The following XKR4 variants were observed in gnomAD, a reference collection of about 807,000 sequenced individuals.
XKR4 encodes XK-related protein 4.
XKR4 carries 12 observed loss-of-function variants against 53.9 expected under a neutral mutation model. The ratio of observed to expected loss-of-function variants is 0.22; its 90% confidence interval spans 0.14 to 0.36. The LOEUF (loss-of-function observed/expected upper bound fraction) is 0.36, where lower values mean the gene tolerates loss of function less well. Ranked by LOEUF, XKR4 falls within the 10% of genes least tolerant of loss-of-function variation. The pLI, the probability that XKR4 is intolerant of heterozygous loss-of-function variation, is 1.00. For missense variants in XKR4, 799 were observed against 859.5 expected (o/e 0.93, Z 0.88); for synonymous variants, 354 against 362.4 (o/e 0.98, Z 0.26).
chr8:55,248,914 G>T (rs998762809), intron 1 of XKR4, among the ~76,000 whole-genome samples: 2 of 151,898 alleles, frequency 1.3e-5, no homozygotes, highest in Admixed American at 1.3e-4. Context: ...CATAAAGACG[G>T]GCCTTCTGGG....
chr8:55,212,273 G>A (rs905704374), intron 1 of XKR4, among the ~76,000 whole-genome samples: 9 of 152,108 alleles, frequency 5.9e-5, no homozygotes, highest in African/African-American at 2.2e-4. Context: ...TCCTGGATCA[G>A]GAAAAAGACA....
chr8:55,402,988 A>G (rs1037259166), intron 2 of XKR4, among the ~76,000 whole-genome samples: 1 of 152,182 alleles, frequency 6.6e-6, no homozygotes, highest in Admixed American at 6.5e-5. Context: ...AAGGGCCAGG[A>G]GCAGGCTGGG....
At chr8:55,397,075 G>A (rs995309207) in intron 2 of XKR4, among the ~76,000 whole-genome samples, 1 of 152,238 alleles carries the variant, frequency 6.6e-6, no homozygotes, top group Non-Finnish European at 1.5e-5. Context: ...TTTTCTCTAC[G>A]ATTGACTGGC....
At chr8:55,408,122 A>G (rs1231429899) in intron 2 of XKR4, among the ~76,000 whole-genome samples, 1 of 152,202 alleles carries the variant, frequency 6.6e-6, no homozygotes, top group Non-Finnish European at 1.5e-5. Flanking sequence ...CCTATCACAC[A>G]GGGGAAAAGC....
intron 1 of XKR4, among the ~76,000 whole-genome samples, chr8:55,292,792 C>T (rs1312141419): frequency 6.6e-6 from 1 of 152,132 alleles, no homozygotes; most frequent in Non-Finnish European, 1.5e-5. Flanking sequence ...CCTCTCAGTA[C>T]TGTGTTAACT....
Position 55,373,551 on chromosome 8 carries a change from T to A in XKR4, c.1006+15674T>A, listed in dbSNP as rs115381140. Among the ~76,000 whole-genome samples, 1,282 of 152,292 alleles carry A rather than the reference T, an allele frequency of 8.4e-3. 26 individuals are homozygous for A. The highest frequency in any genetic ancestry group is 0.028 in the African/African-American group (1,184 of 41,552). On this transcript the variant is annotated intron_variant, in intron 2 of 2. Coordinates refer to ENST00000327381, the MANE Select transcript of XKR4 (RefSeq NM_052898.2). ...TGATGGGGCATGAACTTCCCTACAC[T>A]AGGGTTGAAAAGTGGGAGTTTCCAG...
intron 2 of XKR4, among the ~76,000 whole-genome samples, chr8:55,455,987 C>T (rs1429796545): frequency 6.6e-6 from 1 of 152,176 alleles, no homozygotes; most frequent in Non-Finnish European, 1.5e-5. Flanking sequence ...ACTTAATCAA[C>T]AACAACATCC....
At chr8:55,219,348 T>C (rs1817849972) in intron 1 of XKR4, among the ~76,000 whole-genome samples, 1 of 152,194 alleles carries the variant, frequency 6.6e-6, no homozygotes, top group African/African-American at 2.4e-5. Context: ...AGAGTAGCAA[T>C]TCATTCTTGG....
chr8:55,327,258 C>T (rs1426735708), intron 1 of XKR4, among the ~76,000 whole-genome samples: 1 of 151,826 alleles, frequency 6.6e-6, no homozygotes, highest in Non-Finnish European at 1.5e-5. Context: ...AAAGTCAGGG[C>T]ACTTTTATTG....
chr8:55,338,547 A>C (rs1803498443), intron 1 of XKR4, among the ~76,000 whole-genome samples: 2 of 152,234 alleles, frequency 1.3e-5, no homozygotes, highest in Non-Finnish European at 2.9e-5. Flanking sequence ...GCCCCATCAC[A>C]TGTTGACACC....
intron 1 of XKR4, among the ~76,000 whole-genome samples, chr8:55,294,433 C>T (rs1174958807): frequency 6.6e-6 from 1 of 152,180 alleles, no homozygotes; most frequent in Non-Finnish European, 1.5e-5. Flanking sequence ...ATCTCCTCCA[C>T]CTTACCTCAG....
At chr8:55,124,054 G>C (rs528351436) in intron 1 of XKR4, among the ~76,000 whole-genome samples, 18 of 152,218 alleles carry the variant, frequency 1.2e-4, no homozygotes, top group African/African-American at 3.4e-4. Context: ...GAGTTTTCTT[G>C]TCTTAAATGT....
chr8:55,476,022 A>G (rs947445641), intron 2 of XKR4, among the ~76,000 whole-genome samples: 4 of 152,114 alleles, frequency 2.6e-5, no homozygotes, highest in African/African-American at 9.7e-5. Context: ...CTGGGATTAC[A>G]GGTGTTAGCC....
intron 2 of XKR4, among the ~76,000 whole-genome samples, chr8:55,394,400 G>A (rs774885391): frequency 6.6e-5 from 10 of 152,096 alleles, no homozygotes; most frequent in Admixed American, 3.3e-4. Flanking sequence ...GCTCTCATAA[G>A]AGCCAAACCT....
chr8:55,513,752 A>C (rs752113219), intron 2 of XKR4, among the ~76,000 whole-genome samples: 4 of 152,226 alleles, frequency 2.6e-5, no homozygotes, highest in Admixed American at 2.6e-4. Flanking sequence ...ACCTATGCCC[A>C]TACTGTAACC....
intron 1 of XKR4, chr8:55,142,417 C>T (rs986748165): frequency 3.7e-6 from 1 of 270,460 alleles, no homozygotes; most frequent in Non-Finnish European, 7.4e-6. Context: ...CTGTGGCCCA[C>T]TTGATCCTCC....
intron 1 of XKR4, among the ~76,000 whole-genome samples, chr8:55,229,683 C>T (rs112849496): frequency 1.3e-3 from 200 of 152,190 alleles, no homozygotes; most frequent in African/African-American, 4.7e-3. Context: ...GTATTACTGT[C>T]TCCAGTCCTT....
chr8:55,264,642 T>C (rs1585975565), intron 1 of XKR4, among the ~76,000 whole-genome samples: 1 of 152,214 alleles, frequency 6.6e-6, no homozygotes, highest in South Asian at 2.1e-4. Flanking sequence ...TAAGAAATCA[T>C]GTAAAGGGAA....
intron 2 of XKR4, among the ~76,000 whole-genome samples, chr8:55,510,290 G>A (rs1258017908): frequency 6.6e-6 from 1 of 152,200 alleles, no homozygotes; most frequent in African/African-American, 2.4e-5. Flanking sequence ...GAGACCAGGA[G>A]AGAGAGGAAG....
Sources: gnomAD v4.1 joint callset for allele counts (sites outside exome capture counted in the v4.1 genomes callset) on GRCh38, gnomAD v4.1.1 for gene constraint, MANE v1.5 for transcripts, NCBI Gene and HGNC (gene_info 2026-07-23, HGNC 2026-07-21) for gene names.